GRM5: variants seen among roughly 807,000 people sequenced by gnomAD.
The protein encoded by GRM5 is glutamate metabotropic receptor 5, also known as metabotropic glutamate receptor 5.
In GRM5, 19 loss-of-function variants were observed where a neutral mutation model predicts 83.1. The ratio of observed to expected loss-of-function variants is 0.23; its 90% CI spans 0.16 to 0.34. The LOEUF is 0.34. Among genes scored for constraint, GRM5 ranks in the 10% least tolerant of loss-of-function variants. The pLI, the probability that GRM5 is intolerant of heterozygous loss-of-function variation, is 1.00. For missense variants in GRM5, 1,160 were observed against 1,588.3 expected (o/e 0.73, Z 4.58); for synonymous variants, 675 against 633.6 (o/e 1.07, Z -0.98).
At chr11:88,820,706 A>C (rs1485327849) in intron 3 of GRM5, among the ~76,000 whole-genome samples, 1 of 152,212 alleles carries the variant, frequency 6.6e-6, no homozygotes, top group Non-Finnish European at 1.5e-5. Context: ...TATTTCGTAA[A>C]TGTCTAACTC....
At chr11:88,951,099 G>C (rs1308095089) in intron 2 of GRM5, among the ~76,000 whole-genome samples, 1 of 152,108 alleles carries the variant, frequency 6.6e-6, no homozygotes, top group African/African-American at 2.4e-5. Flanking sequence ...GTGTGTATCT[G>C]TGTGTGACAG....
In GRM5 at chr11:88,507,268, G is replaced by A. The variant is rs1413302732; in HGVS notation, c.*1324C>T. On this transcript the variant is annotated 3_prime_UTR_variant, in exon 10 of 10. Transcript: ENST00000305447. ...AATTGCTTTGCCTCTTTTTGGAATGGCTAAGAAAGACTGTGTGGTTAATAT... is the reference window on the plus strand; with the variant it reads ...AATTGCTTTGCCTCTTTTTGGAATGACTAAGAAAGACTGTGTGGTTAATAT... 1.3e-5 allele frequency: 2 copies of A among 152,146 alleles called. No homozygotes were observed. Among genetic ancestry groups the A allele is most frequent in the African/African-American group, 2.4e-5 (1 of 41,410 alleles). 9.4% of individuals were successfully genotyped at this position (152,146 alleles called of 1,614,324 possible). A position where few individuals can be genotyped will look rare whatever the true frequency, so the allele number is the denominator to read the frequency against.
Position 89,032,655 on chromosome 11 carries a change from A to G in GRM5, c.661+14557T>C, listed in dbSNP as rs184315780. Among the ~76,000 whole-genome samples the G allele has an allele frequency of 3.3e-5, 5 of 152,228 alleles. No individual in the cohort carries two copies. The East Asian group carries it at 9.6e-4, about 29-fold the overall frequency. ...ATCACAACTGTCCTATGAGCCAACA[A>G]TATTGATAATCATCCCTTTTTTGAA... On this transcript the variant is annotated intron_variant, in intron 2 of 9. Transcript: ENST00000305447.
intron 2 of GRM5, among the ~76,000 whole-genome samples, chr11:88,867,717 T>C (rs1464078960): frequency 6.6e-6 from 1 of 151,572 alleles, no homozygotes; most frequent in African/African-American, 2.4e-5. Flanking sequence ...ATGCACATTA[T>C]CGTGTGAAGA....
intron 3 of GRM5, among the ~76,000 whole-genome samples, chr11:88,655,044 G>T (rs1939732041): frequency 6.6e-6 from 1 of 151,960 alleles, no homozygotes; most frequent in Non-Finnish European, 1.5e-5. Context: ...AAAATAAACA[G>T]AAAGAACACT....
intron 2 of GRM5, among the ~76,000 whole-genome samples, chr11:88,986,524 CTT>C (rs200157438): frequency 1.3e-5 from 2 of 151,992 alleles, no homozygotes; most frequent in Non-Finnish European, 2.9e-5. Flanking sequence ...TTATTCAACT[CTT>C]TTGCTCATTT....
intron 4 of GRM5, among the ~76,000 whole-genome samples, chr11:88,649,164 CATGT>C (rs199656907): frequency 0.02 from 2,799 of 137,170 alleles, 74 homozygotes; most frequent in East Asian, 0.12. Flanking sequence ...TATATACATA[CATGT>C]GTATGTATAT....
intron 3 of GRM5, among the ~76,000 whole-genome samples, chr11:88,790,665 A>C (rs1372632360): frequency 6.6e-6 from 1 of 152,202 alleles, no homozygotes; most frequent in Non-Finnish European, 1.5e-5. Context: ...AGAATGGAAG[A>C]GAAAAAGCAT....
intron 2 of GRM5, among the ~76,000 whole-genome samples, chr11:88,907,350 C>T (rs1199807986): frequency 2.0e-5 from 3 of 152,098 alleles, no homozygotes; most frequent in Admixed American, 1.3e-4. Flanking sequence ...CCTCCTCTTG[C>T]CTTCCATGCC....
At chr11:88,753,460 C>T (rs923702722) in intron 3 of GRM5, among the ~76,000 whole-genome samples, 2 of 151,082 alleles carry the variant, frequency 1.3e-5, no homozygotes, top group Non-Finnish European at 3.0e-5. Flanking sequence ...CAGATGATGG[C>T]GAGATCGTTG....
At chr11:88,601,799 C>T (rs1453920399) in intron 5 of GRM5, among the ~76,000 whole-genome samples, 4 of 152,136 alleles carry the variant, frequency 2.6e-5, no homozygotes, top group African/African-American at 9.7e-5. Context: ...GATTAGCAAA[C>T]TTTTGCTGTG....
rs924347692 is a variant in GRM5, at chr11:89,006,799, CTTTGTTTTGT to C, written c.661+40403_661+40412del. Reference sequence around the variant, plus strand: ...ATCTTTTTTGTTTTGTTTTGTTTTGCTTTGTTTTGTTTTGTTTTGAGACAGATTCTCTCTG... The same window carrying C: ...ATCTTTTTTGTTTTGTTTTGTTTTGCTTTGTTTTGAGACAGATTCTCTCTG... On this transcript the variant is annotated intron_variant, in intron 2 of 9. Coordinates refer to ENST00000305447, the MANE Select transcript of GRM5 (RefSeq NM_001143831.3). Among the ~76,000 whole-genome samples, 5 of 151,884 alleles carry C rather than the reference CTTTGTTTTGT, an allele frequency of 3.3e-5. No homozygotes were observed. The East Asian group carries it at 9.7e-4, about 29-fold the overall frequency.
intron 3 of GRM5, among the ~76,000 whole-genome samples, chr11:88,833,871 A>C (rs1944042458): frequency 1.3e-5 from 2 of 152,200 alleles, no homozygotes; most frequent in African/African-American, 4.8e-5. Flanking sequence ...CAGGCACAGA[A>C]AGACAAATAT....
At chr11:89,042,550 G>A (rs1941558347) in intron 2 of GRM5, among the ~76,000 whole-genome samples, 1 of 152,108 alleles carries the variant, frequency 6.6e-6, no homozygotes, top group Non-Finnish European at 1.5e-5. Flanking sequence ...TTATTACCAT[G>A]ATCATCCCAA....
intron 2 of GRM5, among the ~76,000 whole-genome samples, chr11:88,910,195 T>C (rs1446732848): frequency 6.6e-6 from 1 of 152,112 alleles, no homozygotes; most frequent in Admixed American, 6.6e-5. Flanking sequence ...ATCTAGTTTA[T>C]TTTTTCAGTC....
chr11:88,527,157 C>T (rs1166992201), intron 8 of GRM5, among the ~76,000 whole-genome samples: 1 of 152,258 alleles, frequency 6.6e-6, no homozygotes, highest in African/African-American at 2.4e-5. Flanking sequence ...TTGGATTGCT[C>T]AAGCAAAATA....
intron 3 of GRM5, among the ~76,000 whole-genome samples, chr11:88,744,170 C>T (rs1942084824): frequency 6.6e-6 from 1 of 152,012 alleles, no homozygotes; most frequent in Non-Finnish European, 1.5e-5. Context: ...CGTCTTCTTT[C>T]AGTGGAAAGC....
At chr11:88,604,229 A>G (rs953512391) in intron 5 of GRM5, among the ~76,000 whole-genome samples, 10 of 152,332 alleles carry the variant, frequency 6.6e-5, no homozygotes, top group South Asian at 2.1e-4. Context: ...CAAGGAAGAA[A>G]GTGATCCAGC....
At chr11:88,609,390 T>C (rs983457382) in intron 4 of GRM5, among the ~76,000 whole-genome samples, 1 of 152,170 alleles carries the variant, frequency 6.6e-6, no homozygotes, top group African/African-American at 2.4e-5. Flanking sequence ...TGCATGCATA[T>C]GTACCATGTC....
Sources: allele counts gnomAD v4.1 joint callset (sites outside exome capture counted in the v4.1 genomes callset), GRCh38; gene constraint gnomAD v4.1.1; transcripts MANE v1.5; gene names NCBI Gene and HGNC (gene_info 2026-07-23, HGNC 2026-07-21).